The following ROBO1 variants were observed in gnomAD, a reference collection of about 807,000 sequenced individuals.
The protein encoded by ROBO1 is roundabout homolog 1.
ROBO1 carries 149 observed loss-of-function variants against 195.9 expected under a neutral mutation model. The observed-to-expected ratio is 0.76, with a 90% confidence interval of 0.67 to 0.87. The LOEUF (loss-of-function observed/expected upper bound fraction) is 0.87, where lower values mean the gene tolerates loss of function less well. ROBO1 is among the 40% of genes least tolerant of loss of function. The pLI is 0.00. For missense variants in ROBO1, 1,933 were observed against 2,068.3 expected, an observed-to-expected ratio of 0.93 and a Z score of 1.27; for synonymous variants, 816 against 733.2, an observed-to-expected ratio of 1.11 and a Z score of -1.82.
At chr3:79,006,273 A>G (rs1230671868) in intron 3 of ROBO1, among the ~76,000 whole-genome samples, 2 of 152,182 alleles carry the variant, frequency 1.3e-5, no homozygotes, top group Admixed American at 6.5e-5. Context: ...CCAATAAAGG[A>G]GAAGCTTTTG....
chr3:79,240,176 C>G (rs2082486336), intron 2 of ROBO1, among the ~76,000 whole-genome samples: 1 of 152,114 alleles, frequency 6.6e-6, no homozygotes, highest in Admixed American at 6.6e-5. Context: ...ACGATGGTCA[C>G]TATTATACAA....
At chr3:78,796,774 A>C (rs2084197043) in intron 4 of ROBO1, among the ~76,000 whole-genome samples, 1 of 152,064 alleles carries the variant, frequency 6.6e-6, no homozygotes, top group Admixed American at 6.6e-5. Flanking sequence ...CTGTGTCTCT[A>C]AACTTTCACC....
At chr3:79,625,444 A>G (rs993862015) in intron 1 of ROBO1, among the ~76,000 whole-genome samples, 10 of 128,164 alleles carry the variant, frequency 7.8e-5, no homozygotes, top group African/African-American at 2.8e-4. Flanking sequence ...AAAAAAAAAA[A>G]GCAAAATAGA....
intron 2 of ROBO1, among the ~76,000 whole-genome samples, chr3:79,450,985 T>C (rs1369575850): frequency 6.6e-6 from 1 of 152,024 alleles, no homozygotes; most frequent in Non-Finnish European, 1.5e-5. Context: ...ATTAGATATA[T>C]TGAATTTCTT....
intron 3 of ROBO1, among the ~76,000 whole-genome samples, chr3:79,088,064 AAACTC>A (rs2079406419): frequency 6.6e-6 from 1 of 152,146 alleles, no homozygotes; most frequent in Admixed American, 6.6e-5. Context: ...TCACAATACT[AAACTC>A]AACTAGTGTT....
rs529294474 is a variant in ROBO1 at position 79,576,333 on chromosome 3, A to G, written c.88+13491T>C. Among the ~76,000 whole-genome samples the G allele has an allele frequency of 2.2e-4, 33 of 152,106 alleles. 1 individual carries two copies. The highest frequency in any genetic ancestry group is 2.0e-3 in the Admixed American group (30 of 15,264). ...ATTGACTTCATCATCCAGGCTCAAAATCAGCAGATAATCTTTCACCCATCT... is the reference window on the plus strand; with the variant it reads ...ATTGACTTCATCATCCAGGCTCAAAGTCAGCAGATAATCTTTCACCCATCT... On this transcript the variant is annotated intron_variant, in intron 2 of 30. Transcript: ENST00000464233.
intron 3 of ROBO1, among the ~76,000 whole-genome samples, chr3:78,978,250 T>C (rs963825596): frequency 6.6e-6 from 1 of 151,716 alleles, no homozygotes; most frequent in African/African-American, 2.4e-5. Context: ...TTAACCAAGG[T>C]AGTGGGGGGA....
intron 1 of ROBO1, among the ~76,000 whole-genome samples, chr3:79,689,687 T>G (rs1191480779): frequency 6.6e-6 from 1 of 152,070 alleles, no homozygotes; most frequent in Non-Finnish European, 1.5e-5. Context: ...TTTTTCCATC[T>G]ATAATTCTAT....
chr3:79,107,190 T>C (rs1468703003), intron 3 of ROBO1, among the ~76,000 whole-genome samples: 1 of 150,164 alleles, frequency 6.7e-6, no homozygotes, highest in Non-Finnish European at 1.5e-5. Context: ...TTACAGTAGT[T>C]AGATGAGTTA....
intron 2 of ROBO1, among the ~76,000 whole-genome samples, chr3:79,450,059 C>A (rs2039391261): frequency 6.9e-6 from 1 of 145,836 alleles, no homozygotes; most frequent in Non-Finnish European, 1.5e-5. Context: ...TTTTGTTTTT[C>A]AAGATTCAGC....
chr3:79,274,359 G>GA lies in ROBO1; in HGVS notation c.89-148821dup, dbSNP rs529580915. The stretch of plus-strand genomic sequence containing the variant: ...AATAAAAACAGGAATTTTGGAAACT[G>GA]AAAAAATACACGGAAATTAAACAAT... On this transcript the variant is annotated intron_variant, in intron 2 of 30. Coordinates refer to ENST00000464233, the MANE Select transcript of ROBO1 (RefSeq NM_002941.4). 2.9e-3 allele frequency among the ~76,000 whole-genome samples: 433 copies of GA among 151,832 alleles called. 1 individual carries two copies. The highest frequency in any genetic ancestry group is 0.01 in the African/African-American group (415 of 41,484).
At position 78,788,430 on chromosome 3, in the gene ROBO1, T is replaced by TC. The variant is rs1187291425; in HGVS notation, c.500-41531_500-41530insG. Among the ~76,000 whole-genome samples the TC allele has an allele frequency of 1.4e-3, 188 of 136,122 alleles. 1 individual carries two copies. The highest frequency in any genetic ancestry group is 2.8e-3 in the Non-Finnish European group (178 of 63,922). The allele number at this position is 136,122 out of a possible 152,430, so 89.3% of individuals were successfully genotyped here. Reference sequence around the variant, plus strand: ...ACCGCTCCCAGCCTCTCTTTTCTTTTTTTTTTTTTTAAAAAAAAAAAAAAA... The same window carrying TC: ...ACCGCTCCCAGCCTCTCTTTTCTTTTCTTTTTTTTTTAAAAAAAAAAAAAAA... On this transcript the variant is annotated intron_variant, in intron 4 of 30. Transcript: ENST00000464233.
intron 4 of ROBO1, among the ~76,000 whole-genome samples, chr3:78,802,364 A>C (rs2084395585): frequency 6.6e-6 from 1 of 152,154 alleles, no homozygotes; most frequent in African/African-American, 2.4e-5. Flanking sequence ...AGATTTAACT[A>C]TTCACATTTT....
intron 1 of ROBO1, among the ~76,000 whole-genome samples, chr3:79,750,494 C>T (rs1019720169): frequency 2.0e-5 from 3 of 152,126 alleles, no homozygotes; most frequent in African/African-American, 7.2e-5. Context: ...GCTGTGTCCC[C>T]ACCCAAATCT....
chr3:78,862,318 A>G (rs1022686964), intron 4 of ROBO1, among the ~76,000 whole-genome samples: 1 of 152,160 alleles, frequency 6.6e-6, no homozygotes, highest in Non-Finnish European at 1.5e-5. Flanking sequence ...GAAAAAAAAT[A>G]GGAAACTCAT....
intron 2 of ROBO1, among the ~76,000 whole-genome samples, chr3:79,427,516 C>T (rs549640220): frequency 6.6e-6 from 1 of 152,194 alleles, no homozygotes; most frequent in East Asian, 1.9e-4. Context: ...ATAACATGGG[C>T]AAGTTCCAGG....
intron 9 of ROBO1, among the ~76,000 whole-genome samples, chr3:78,687,452 A>G (rs961122987): frequency 6.6e-6 from 1 of 152,276 alleles, no homozygotes; most frequent in East Asian, 1.9e-4. Context: ...TTCCCTACCA[A>G]ATATTAAATG....
rs73849823 is a variant in ROBO1, at chr3:79,725,113, G to C, written c.-51+42639C>G. Among the ~76,000 whole-genome samples, 1,276 of 152,090 alleles carry C rather than the reference G, an allele frequency of 8.4e-3. 11 individuals carry two copies. The highest frequency in any genetic ancestry group is 0.03 in the African/African-American group (1,228 of 41,494). The stretch of plus-strand genomic sequence containing the variant: ...TGCCAGTGATAAGGCATTGGTGTTT[G>C]GCCCAGACTTTGCCAATGATACCTG... On this transcript the variant is annotated intron_variant, in intron 1 of 30. Coordinates refer to ENST00000464233, the MANE Select transcript of ROBO1 (RefSeq NM_002941.4).
intron 1 of ROBO1, among the ~76,000 whole-genome samples, chr3:79,745,509 C>T (rs1400316827): frequency 2.6e-5 from 4 of 152,086 alleles, no homozygotes; most frequent in Admixed American, 6.6e-5. Context: ...AATACAAAGG[C>T]GATATGTCAT....
Sources: gnomAD v4.1 joint callset for allele counts (sites outside exome capture counted in the v4.1 genomes callset) on GRCh38, gnomAD v4.1.1 for gene constraint, MANE v1.5 for transcripts, NCBI Gene and HGNC (gene_info 2026-07-23, HGNC 2026-07-21) for gene names.